NAALADL2: variants seen among roughly 807,000 people sequenced by gnomAD.
NAALADL2 encodes inactive N-acetylated-alpha-linked acidic dipeptidase-like protein 2.
A neutral mutation model predicts 87.2 loss-of-function variants in NAALADL2; 76 were observed. The ratio of observed to expected loss-of-function variants is 0.87; its 90% CI spans 0.72 to 1.05. The LOEUF (loss-of-function observed/expected upper bound fraction) is 1.05. NAALADL2 is among the 50% of genes least tolerant of loss of function. The pLI is 0.00. For synonymous variants in NAALADL2, 354 were observed against 331.0 expected (o/e 1.07, Z -0.75); for missense variants, 1,089 against 945.8 (o/e 1.15, Z -1.99).
intron 10 of NAALADL2, among the ~76,000 whole-genome samples, chr3:175,601,314 A>G (rs1221927470): frequency 6.6e-6 from 1 of 152,208 alleles, no homozygotes; most frequent in African/African-American, 2.4e-5. Flanking sequence ...AAAAAATTAT[A>G]TTTAATTGTT....
rs768356091 is a variant in NAALADL2, at chr3:175,576,046, T to G, written c.1659T>G (p.Asn553Lys). Residue 553 changes from asparagine to lysine, a missense_variant, in exon 10 of 14, where the codon AAT becomes AAG. Transcript: ENST00000454872. Reference sequence around the variant, plus strand: ...ATTTAAATTATGTTTTTCAGAAAAATAATTTCAACTGTACCAGAAGAGCCC... The same window carrying G: ...ATTTAAATTATGTTTTTCAGAAAAAGAATTTCAACTGTACCAGAAGAGCCC... The part of the protein sequence containing the change: ...PSLQQLVVEK[N>K]NFNCTRRAQC... 4 of 1,609,500 alleles carry G rather than the reference T, an allele frequency of 2.5e-6. No individual in the cohort carries two copies. Among genetic ancestry groups the G allele is most frequent in the Non-Finnish European group, 3.4e-6 (4 of 1,178,410 alleles).
intron 1 of NAALADL2, among the ~76,000 whole-genome samples, chr3:175,074,601 A>G (rs1716250479): frequency 6.6e-6 from 1 of 152,098 alleles, no homozygotes; most frequent in African/African-American, 2.4e-5. Context: ...ATACTTGACT[A>G]TATTAGGGAG....
chr3:175,165,406 C>A (rs986927442), intron 2 of NAALADL2, among the ~76,000 whole-genome samples: 1 of 151,686 alleles, frequency 6.6e-6, no homozygotes, highest in African/African-American at 2.4e-5. Context: ...ATAAGTAAAT[C>A]AATAGAGGAC....
intron 11 of NAALADL2, among the ~76,000 whole-genome samples, chr3:175,727,223 C>A (rs1743058463): frequency 6.6e-6 from 1 of 152,096 alleles, no homozygotes. Flanking sequence ...TCATTCAGCT[C>A]TTGGCAACTG....
chr3:175,721,599 T>C (rs1211679235), intron 11 of NAALADL2, among the ~76,000 whole-genome samples: 6 of 152,034 alleles, frequency 3.9e-5, no homozygotes, highest in Admixed American at 3.9e-4. Context: ...ATTAGGAAGA[T>C]ACAGCAATTC....
chr3:174,991,438 T>C (rs2108715162), intron 1 of NAALADL2, among the ~76,000 whole-genome samples: 1 of 149,736 alleles, frequency 6.7e-6, no homozygotes, highest in South Asian at 2.1e-4. Context: ...GTTACAAAAA[T>C]GATTTATAAA....
At chr3:175,138,601 G>A (rs1729492528) in intron 2 of NAALADL2, among the ~76,000 whole-genome samples, 1 of 149,950 alleles carries the variant, frequency 6.7e-6, no homozygotes, top group Admixed American at 6.7e-5. Flanking sequence ...GCTTTACAGA[G>A]TATTTATTAT....
At chr3:174,699,586 A>C (rs1184641658) in intron 2 of NAALADL2, among the ~76,000 whole-genome samples, 1 of 151,832 alleles carries the variant, frequency 6.6e-6, no homozygotes, top group Non-Finnish European at 1.5e-5. Flanking sequence ...ATTTAATTTG[A>C]TTCAATTCTT....
chr3:174,713,242 T>G (rs1436114182), intron 2 of NAALADL2, among the ~76,000 whole-genome samples: 2 of 152,220 alleles, frequency 1.3e-5, no homozygotes, highest in Non-Finnish European at 2.9e-5. Flanking sequence ...TTTGCTATTG[T>G]GAATATTGCC....
intron 9 of NAALADL2, among the ~76,000 whole-genome samples, chr3:175,502,793 A>G (rs951818584): frequency 1.3e-5 from 2 of 152,162 alleles, no homozygotes; most frequent in African/African-American, 4.8e-5. Flanking sequence ...TAGTTTGAAC[A>G]TAGGTTTACA....
intron 1 of NAALADL2, among the ~76,000 whole-genome samples, chr3:175,032,248 T>C (rs986196077): frequency 2.6e-5 from 4 of 152,074 alleles, no homozygotes; most frequent in African/African-American, 9.7e-5. Flanking sequence ...ATTTTTCTAC[T>C]ATAATTTTAA....
At chr3:175,031,649 T>G (rs1752812771) in intron 1 of NAALADL2, among the ~76,000 whole-genome samples, 1 of 152,102 alleles carries the variant, frequency 6.6e-6, no homozygotes, top group Non-Finnish European at 1.5e-5. Flanking sequence ...GTGAGATTGC[T>G]GGATCAAATG....
intron 11 of NAALADL2, among the ~76,000 whole-genome samples, chr3:175,661,193 T>C (rs1347160455): frequency 6.6e-6 from 1 of 152,102 alleles, no homozygotes; most frequent in African/African-American, 2.4e-5. Context: ...CTATTCTAAC[T>C]GGGGTGAAAT....
chr3:175,065,958 T>C (rs1463074343), intron 1 of NAALADL2, among the ~76,000 whole-genome samples: 1 of 152,170 alleles, frequency 6.6e-6, no homozygotes, highest in African/African-American at 2.4e-5. Context: ...TCGGTCTTAA[T>C]GTTGCCATCA....
chr3:175,648,492 CT>C (rs530477119), intron 11 of NAALADL2, among the ~76,000 whole-genome samples: 6,396 of 127,602 alleles, frequency 0.05, 115 homozygotes, highest in Non-Finnish European at 0.061. Flanking sequence ...AGACAATTTT[CT>C]TTTTTTTTTT....
chr3:175,249,915 T>C (rs1415445824), intron 3 of NAALADL2, among the ~76,000 whole-genome samples: 1 of 152,118 alleles, frequency 6.6e-6, no homozygotes, highest in Admixed American at 6.5e-5. Context: ...ACGCCTGTAA[T>C]CCCAGCAACT....
intron 6 of NAALADL2, among the ~76,000 whole-genome samples, chr3:175,448,970 C>A (rs752971091): frequency 6.6e-6 from 1 of 152,150 alleles, no homozygotes; most frequent in Non-Finnish European, 1.5e-5. Context: ...CCTGCCTCAG[C>A]CTCCCAAAGT....
At chr3:175,755,186 T>C (rs75038726) in intron 12 of NAALADL2, 34 bp from the exon 13 acceptor site, 1 of 1,577,480 alleles carries the variant, frequency 6.3e-7, no homozygotes, top group Admixed American at 1.7e-5. Flanking sequence ...CTTGAGAATG[T>C]CTCTTCTGAG....
At chr3:175,747,365 T>C (rs1746057800) in intron 12 of NAALADL2, among the ~76,000 whole-genome samples, 1 of 152,198 alleles carries the variant, frequency 6.6e-6, no homozygotes, top group South Asian at 2.1e-4. Flanking sequence ...TGACACTACA[T>C]TGATTGAAAT....
Sources: allele counts gnomAD v4.1 joint callset (sites outside exome capture counted in the v4.1 genomes callset), GRCh38; gene constraint gnomAD v4.1.1; transcripts MANE v1.5; gene names NCBI Gene and HGNC (gene_info 2026-07-23, HGNC 2026-07-21).